The following PRKAR1B variants were observed in gnomAD, a reference collection of about 807,000 sequenced individuals.
PRKAR1B encodes cAMP-dependent protein kinase type I-beta regulatory subunit.
A neutral mutation model predicts 46.5 loss-of-function variants in PRKAR1B; 22 were observed. The observed-to-expected ratio is 0.47, with a 90% CI of 0.34 to 0.68. The LOEUF (loss-of-function observed/expected upper bound fraction) is 0.68, where lower values mean the gene tolerates loss of function less well. Among genes scored for constraint, PRKAR1B ranks in the 30% least tolerant of loss-of-function variants. PRKAR1B has a pLI of 0.01. For missense variants in PRKAR1B, 445 were observed against 535.6 expected, an observed-to-expected ratio of 0.83 and a Z score of 1.67; for synonymous variants, 259 against 217.7, an observed-to-expected ratio of 1.19 and a Z score of -1.67.
intron 4 of PRKAR1B, among the ~76,000 whole-genome samples, chr7:637,407 ACT>A (rs1157772208): frequency 1.3e-5 from 2 of 151,236 alleles, no homozygotes; most frequent in East Asian, 4.0e-4. Context: ...AAGGAGTAAG[ACT>A]CTGTCTCAAA....
chr7:550,706 G>GCT, intron 10 of PRKAR1B, 104 bp from the exon 11 acceptor site: 1 of 927,726 alleles, frequency 1.1e-6, no homozygotes, highest in Non-Finnish European at 1.6e-6. Context: ...TTTAAGGATA[G>GCT]GATGTGCCAG....
chr7:719,655 G>T (rs150406998), intron 1 of PRKAR1B, among the ~76,000 whole-genome samples: 36 of 152,010 alleles, frequency 2.4e-4, no homozygotes, highest in Non-Finnish European at 4.9e-4. Flanking sequence ...TAGCTATTCC[G>T]TCTGGCAGTG....
intron 3 of PRKAR1B, 135 bp from the exon 4 acceptor site, chr7:677,455 G>A (rs2128505741): frequency 1.4e-6 from 1 of 737,718 alleles, no homozygotes; most frequent in East Asian, 2.7e-5. Flanking sequence ...AGTTTAATGT[G>A]TATTTCACCA....
chr7:715,828 G>A (rs904328792), intron 1 of PRKAR1B, among the ~76,000 whole-genome samples: 2 of 151,252 alleles, frequency 1.3e-5, no homozygotes, highest in Admixed American at 6.6e-5. Flanking sequence ...CCATTCTCCT[G>A]CCTCAGCCTC....
intron 9 of PRKAR1B, among the ~76,000 whole-genome samples, chr7:559,570 C>G (rs1239839187): frequency 6.6e-6 from 1 of 152,190 alleles, no homozygotes; most frequent in African/African-American, 2.4e-5. Context: ...CCGCTGTGCT[C>G]ATAGCCCAGA....
At chr7:584,457 C>G (rs1347417797) in intron 8 of PRKAR1B, 51 bp downstream of exon 8, 1 of 1,546,556 alleles carries the variant, frequency 6.5e-7, no homozygotes, top group Admixed American at 1.7e-5. Context: ...GGGTGGCCAG[C>G]AGGCGCCCAG....
intron 4 of PRKAR1B, among the ~76,000 whole-genome samples, chr7:630,562 G>T (rs948682995): frequency 3.3e-5 from 5 of 152,210 alleles, no homozygotes; most frequent in Non-Finnish European, 5.9e-5. Context: ...TTTTAATTTG[G>T]TCTGAACCTT....
chr7:641,523 C>A (rs1050525683), intron 4 of PRKAR1B, among the ~76,000 whole-genome samples: 2 of 152,094 alleles, frequency 1.3e-5, no homozygotes, highest in South Asian at 2.1e-4. Context: ...CATAATAGCT[C>A]CAAACTGAAA....
intron 4 of PRKAR1B, among the ~76,000 whole-genome samples, chr7:649,458 A>G (rs1306579976): frequency 2.0e-5 from 3 of 152,246 alleles, no homozygotes; most frequent in Non-Finnish European, 4.4e-5. Context: ...ACGTTTATAC[A>G]TTAACATTTT....
intron 7 of PRKAR1B, among the ~76,000 whole-genome samples, chr7:591,718 T>C (rs138358258): frequency 9.4e-4 from 143 of 152,158 alleles, no homozygotes; most frequent in African/African-American, 3.2e-3. Flanking sequence ...GAAAAATATA[T>C]ACAGCAGCCA....
Position 551,379 on chromosome 7 carries a change from C to T in PRKAR1B, c.973+10G>A. The T allele has an allele frequency of 1.9e-6, 3 of 1,553,490 alleles. No individual in the cohort carries two copies. Among genetic ancestry groups the T allele is most frequent in the Non-Finnish European group, 2.6e-6 (3 of 1,148,392 alleles). On this transcript the variant is annotated intron_variant, in intron 10 of 10. Coordinates refer to ENST00000537384, the MANE Select transcript of PRKAR1B (RefSeq NM_001164760.2). ...AGCCGTGCGAGGGAGGGGACGCCCA[C>T]TGGACTCACCGAAGTAGTCAGAGGG...
At chr7:553,309 G>A (rs868173395) in intron 9 of PRKAR1B, among the ~76,000 whole-genome samples, 10 of 152,178 alleles carry the variant, frequency 6.6e-5, no homozygotes, top group Non-Finnish European at 1.2e-4. Flanking sequence ...CTCTGTCGCC[G>A]GCCCTGCACG....
At chr7:553,897 CTGA>C (rs1242294626) in intron 9 of PRKAR1B, among the ~76,000 whole-genome samples, 2 of 152,374 alleles carry the variant, frequency 1.3e-5, no homozygotes, top group East Asian at 3.9e-4. Flanking sequence ...ATGAATCCAG[CTGA>C]TGGATGAGCA....
chr7:608,325 C>T (rs918635928), intron 4 of PRKAR1B: 1 of 152,160 alleles, frequency 6.6e-6, no homozygotes, highest in Non-Finnish European at 1.5e-5. Flanking sequence ...GCCCTGATTA[C>T]TTAAAAAGGA....
chr7:715,542 C>G (rs745986879), intron 1 of PRKAR1B, among the ~76,000 whole-genome samples: 2 of 152,084 alleles, frequency 1.3e-5, no homozygotes, highest in Non-Finnish European at 2.9e-5. Context: ...AATCACATAT[C>G]TTCCCATAGG....
chr7:663,408 TAGG>T (rs1785722033), intron 4 of PRKAR1B, among the ~76,000 whole-genome samples: 1 of 152,068 alleles, frequency 6.6e-6, no homozygotes, highest in Admixed American at 6.6e-5. Context: ...TTTTAATTTT[TAGG>T]AGGAGGGTAG....
At chr7:557,287 G>A (rs956224674) in intron 9 of PRKAR1B, among the ~76,000 whole-genome samples, 6 of 152,240 alleles carry the variant, frequency 3.9e-5, no homozygotes, top group Non-Finnish European at 7.3e-5. Flanking sequence ...CCAGGCCCCT[G>A]GTGGAGCCAC....
At position 666,528 on chromosome 7, in the gene PRKAR1B, T is replaced by C. The variant is rs370563673; in HGVS notation, c.440+10701A>G. On this transcript the variant is annotated intron_variant, in intron 4 of 10. Coordinates refer to ENST00000537384, the MANE Select transcript of PRKAR1B (RefSeq NM_001164760.2). The surrounding 1 kb of genome is among the most constrained non-coding windows in gnomAD (Gnocchi z 4.9). ...GAGCTACTCAACTCTGCAGAGGGGC[T>C]GTGCAGGTGCCGTCCCAGGGGATAA... Among the ~76,000 whole-genome samples the C allele has an allele frequency of 2.6e-5, 4 of 152,326 alleles. No homozygotes were observed. Among genetic ancestry groups the C allele is most frequent in the Admixed American group, 2.6e-4 (4 of 15,306 alleles).
intron 2 of PRKAR1B, among the ~76,000 whole-genome samples, chr7:698,537 T>C (rs1779894053): frequency 6.6e-6 from 1 of 152,110 alleles, no homozygotes; most frequent in Admixed American, 6.5e-5. Flanking sequence ...TGTGTGAACA[T>C]GTACATATCC....
Sources: gnomAD v4.1 joint callset for allele counts (sites outside exome capture counted in the v4.1 genomes callset) on GRCh38, gnomAD v4.1.1 for gene constraint, Gnocchi (gnomAD v3.1) non-coding constraint, MANE v1.5 for transcripts, NCBI Gene and HGNC (gene_info 2026-07-23, HGNC 2026-07-21) for gene names.